The following MYO5B variants were observed in gnomAD, a reference collection of about 807,000 sequenced individuals.
The protein encoded by MYO5B is myosin VB, also known as unconventional myosin-Vb.
Under a neutral mutation model 229.3 loss-of-function variants are expected in MYO5B, and 143 were observed. That is an observed-to-expected ratio of 0.62 (90% CI 0.54 to 0.72). The LOEUF (loss-of-function observed/expected upper bound fraction) is 0.72, where lower values mean the gene tolerates loss of function less well. Ranked by LOEUF, MYO5B falls within the 30% of genes least tolerant of loss-of-function variation. MYO5B has a pLI of 0.00. For missense variants in MYO5B, 2,321 were observed against 2,331.0 expected (o/e 1.00, Z 0.09); for synonymous variants, 918 against 885.2 (o/e 1.04, Z -0.66).
intron 16 of MYO5B, among the ~76,000 whole-genome samples, chr18:49,935,778 G>A (rs749765958): frequency 1.1e-4 from 16 of 152,212 alleles, no homozygotes; most frequent in Admixed American, 2.0e-4. Context: ...GAGGAGTGAG[G>A]AAAAGGGGAG....
intron 22 of MYO5B, among the ~76,000 whole-genome samples, chr18:49,880,670 T>C (rs907392390): frequency 6.6e-6 from 1 of 152,252 alleles, no homozygotes; most frequent in Non-Finnish European, 1.5e-5. Context: ...TATGGTCATC[T>C]AATGTCCACA....
chr18:49,885,707 G>T (rs982353769), intron 22 of MYO5B, among the ~76,000 whole-genome samples: 16 of 152,154 alleles, frequency 1.1e-4, no homozygotes, highest in African/African-American at 3.9e-4. Flanking sequence ...AGGTAGAAAG[G>T]GGCAGGAAAA....
At chr18:50,072,241 GA>G (rs35517763) in intron 1 of MYO5B, among the ~76,000 whole-genome samples, 10,826 of 144,960 alleles carry the variant, frequency 0.075, 1,223 homozygotes, top group African/African-American at 0.25. Flanking sequence ...TTTAAAAAGA[GA>G]AAAAAAAAAA....
chr18:49,900,558 C>A (rs200618444), intron 21 of MYO5B, among the ~76,000 whole-genome samples: 2 of 152,252 alleles, frequency 1.3e-5, no homozygotes, highest in Non-Finnish European at 2.9e-5. Flanking sequence ...CACTTTTGGG[C>A]TCCTGTTCAG....
intron 1 of MYO5B, among the ~76,000 whole-genome samples, chr18:50,073,824 G>T (rs895697994): frequency 3.3e-5 from 5 of 152,254 alleles, no homozygotes; most frequent in African/African-American, 1.2e-4. Context: ...AAAGCCTGGA[G>T]ATGTCATCAT....
chr18:49,875,080 C>T (rs1047461741), intron 26 of MYO5B, among the ~76,000 whole-genome samples: 1 of 152,118 alleles, frequency 6.6e-6, no homozygotes, highest in Admixed American at 6.5e-5. Context: ...TTTTGTGTAC[C>T]TACTACGTGC....
intron 1 of MYO5B, among the ~76,000 whole-genome samples, chr18:50,185,616 T>C (rs1436419922): frequency 6.6e-6 from 1 of 152,338 alleles, no homozygotes; most frequent in East Asian, 1.9e-4. Flanking sequence ...ATACATTGTA[T>C]ACGTGTATTA....
At chr18:49,936,879 G>A (rs1793842322) in intron 15 of MYO5B, among the ~76,000 whole-genome samples, 1 of 152,102 alleles carries the variant, frequency 6.6e-6, no homozygotes, top group Admixed American at 6.5e-5. Context: ...AGACCCCACA[G>A]CAGGAGAAGT....
chr18:49,975,758 G>C (rs2025743177), intron 9 of MYO5B, among the ~76,000 whole-genome samples: 1 of 152,088 alleles, frequency 6.6e-6, no homozygotes, highest in South Asian at 2.1e-4. Flanking sequence ...GCCCCAGAGA[G>C]GTACAACTAC....
At chr18:50,032,243 T>C (rs918047453) in intron 4 of MYO5B, among the ~76,000 whole-genome samples, 3 of 152,212 alleles carry the variant, frequency 2.0e-5, no homozygotes, top group African/African-American at 7.2e-5. Context: ...TTACTGTGTA[T>C]AATTCTATGA....
intron 2 of MYO5B, among the ~76,000 whole-genome samples, chr18:50,045,002 G>A (rs1428106637): frequency 3.3e-5 from 5 of 152,070 alleles, no homozygotes; most frequent in Admixed American, 3.3e-4. Flanking sequence ...GTGAAAAGAG[G>A]GAGAAAATGA....
At chr18:50,125,828 A>C (rs906610682) in intron 1 of MYO5B, among the ~76,000 whole-genome samples, 1 of 152,218 alleles carries the variant, frequency 6.6e-6, no homozygotes, top group African/African-American at 2.4e-5. Context: ...TAGCCTTAAA[A>C]GGGAAGGAAA....
At chr18:49,979,954 C>A (rs1367149355) in intron 9 of MYO5B, among the ~76,000 whole-genome samples, 2 of 152,238 alleles carry the variant, frequency 1.3e-5, no homozygotes, top group Non-Finnish European at 2.9e-5. Context: ...GAGCACTTGA[C>A]AGCTTGCAGT....
chr18:50,072,908 G>A (rs1443122364), intron 1 of MYO5B, among the ~76,000 whole-genome samples: 1 of 152,128 alleles, frequency 6.6e-6, no homozygotes, highest in African/African-American at 2.4e-5. Context: ...TCACATTCCA[G>A]GCTGGAGTGT....
chr18:49,932,107 C>G (rs1004345750), intron 16 of MYO5B, among the ~76,000 whole-genome samples: 1 of 152,172 alleles, frequency 6.6e-6, no homozygotes, highest in African/African-American at 2.4e-5. Flanking sequence ...ATAAAATGAG[C>G]AGAAGCTCAT....
chr18:49,987,386 C>G (rs981574845), intron 7 of MYO5B, among the ~76,000 whole-genome samples: 2 of 152,186 alleles, frequency 1.3e-5, no homozygotes, highest in African/African-American at 2.4e-5. Flanking sequence ...AGTCTTCCCC[C>G]ACCTGCTTGG....
chr18:50,027,198 G>T (rs930562435), intron 4 of MYO5B, among the ~76,000 whole-genome samples: 3 of 152,032 alleles, frequency 2.0e-5, no homozygotes, highest in African/African-American at 7.2e-5. Context: ...AATTATTTTG[G>T]ACACACCTTG....
At chr18:50,194,641 A>C in intron 1 of MYO5B, 126 bp downstream of exon 1, 15 of 617,764 alleles carry the variant, frequency 2.4e-5, no homozygotes, top group Non-Finnish European at 4.2e-5. Flanking sequence ...CGAGGAGGAC[A>C]CCGCGGAGGG....
chr18:50,183,567 T>C (rs1422491072), intron 1 of MYO5B, among the ~76,000 whole-genome samples: 3 of 151,906 alleles, frequency 2.0e-5, no homozygotes, highest in Middle Eastern at 3.4e-3. Flanking sequence ...TGGAGGATGT[T>C]AAGTGAGAGA....
Sources: gnomAD v4.1 joint callset for allele counts (sites outside exome capture counted in the v4.1 genomes callset) on GRCh38, gnomAD v4.1.1 for gene constraint, MANE v1.5 for transcripts, NCBI Gene and HGNC (gene_info 2026-07-23, HGNC 2026-07-21) for gene names.